The following NTNG1 variants were observed in gnomAD, a reference collection of about 807,000 sequenced individuals.
The protein encoded by NTNG1 is netrin-G1.
A neutral mutation model predicts 54.0 loss-of-function variants in NTNG1; 16 were observed. The ratio of observed to expected loss-of-function variants is 0.30; its 90% CI spans 0.20 to 0.45. The LOEUF (loss-of-function observed/expected upper bound fraction) is 0.45, where lower values mean the gene tolerates loss of function less well. Ranked by LOEUF, NTNG1 falls within the 20% of genes least tolerant of loss-of-function variation. NTNG1 has a pLI of 1.00. For missense variants in NTNG1, 530 were observed against 678.7 expected (o/e 0.78, Z 2.43); for synonymous variants, 255 against 263.1 (o/e 0.97, Z 0.30).
At chr1:107,264,131 G>C (rs1680815867) in intron 2 of NTNG1, among the ~76,000 whole-genome samples, 1 of 151,790 alleles carries the variant, frequency 6.6e-6, no homozygotes, top group Non-Finnish European at 1.5e-5. Context: ...CTTCTTGCCT[G>C]TAGAATACAC....
intron 2 of NTNG1, among the ~76,000 whole-genome samples, chr1:107,294,986 C>T (rs1665856554): frequency 6.6e-6 from 1 of 152,216 alleles, no homozygotes; most frequent in Non-Finnish European, 1.5e-5. Context: ...AACACTCAGA[C>T]ATCTGATTTT....
chr1:107,155,598 A>C (rs190313061), intron 2 of NTNG1, among the ~76,000 whole-genome samples: 1 of 151,932 alleles, frequency 6.6e-6, no homozygotes, highest in African/African-American at 2.4e-5. Flanking sequence ...CTGTATTCTG[A>C]CTCTTTAAGT....
intron 4 of NTNG1, among the ~76,000 whole-genome samples, chr1:107,406,793 G>A (rs1451951686): frequency 6.6e-6 from 1 of 152,080 alleles, no homozygotes; most frequent in Non-Finnish European, 1.5e-5. Context: ...AACCCTAAGA[G>A]GTAAAAAACT....
At chr1:107,454,262 A>G (rs1676795397) in intron 7 of NTNG1, among the ~76,000 whole-genome samples, 1 of 152,170 alleles carries the variant, frequency 6.6e-6, no homozygotes, top group African/African-American at 2.4e-5. Context: ...ATTTATCAGG[A>G]ACAAATGTTT....
intron 3 of NTNG1, among the ~76,000 whole-genome samples, chr1:107,393,850 T>C (rs540450203): frequency 6.6e-6 from 1 of 152,098 alleles, no homozygotes; most frequent in African/African-American, 2.4e-5. Context: ...TGTTAAGGAG[T>C]CTTATCTTCC....
intron 2 of NTNG1, among the ~76,000 whole-genome samples, chr1:107,243,839 T>C (rs1307684957): frequency 1.3e-5 from 2 of 152,208 alleles, no homozygotes; most frequent in Non-Finnish European, 2.9e-5. Context: ...GATATACCGA[T>C]AGAAGAAAAC....
chr1:107,223,334 C>T (rs1247945187), intron 2 of NTNG1, among the ~76,000 whole-genome samples: 1 of 151,770 alleles, frequency 6.6e-6, no homozygotes, highest in African/African-American at 2.4e-5. Context: ...AACATGGTAT[C>T]CCATGTGGTA....
intron 3 of NTNG1, among the ~76,000 whole-genome samples, chr1:107,362,002 AGAG>A (rs1670329669): frequency 1.3e-5 from 2 of 152,110 alleles, no homozygotes; most frequent in African/African-American, 4.8e-5. Flanking sequence ...AGGGGAAGGG[AGAG>A]CCCTGAACAA....
At chr1:107,216,358 G>T (rs1296067509) in intron 2 of NTNG1, among the ~76,000 whole-genome samples, 2 of 152,118 alleles carry the variant, frequency 1.3e-5, no homozygotes, top group Non-Finnish European at 2.9e-5. Context: ...AATCATAAGT[G>T]GATGCTGGAT....
At chr1:107,148,974 GTTTC>G in intron 2 of NTNG1, 135 bp downstream of exon 2, 2 of 864,630 alleles carry the variant, frequency 2.3e-6, no homozygotes, top group East Asian at 2.5e-5. Flanking sequence ...TAACAGGCTA[GTTTC>G]TTTCTCAGTG....
At chr1:107,436,863 C>T (rs533285139) in intron 7 of NTNG1, 64 bp downstream of exon 7, 32 of 1,498,812 alleles carry the variant, frequency 2.1e-5, no homozygotes, top group East Asian at 6.8e-5. Context: ...TTGGCTAGGC[C>T]GGTGCGTGCA....
intron 5 of NTNG1, chr1:107,409,853 T>C (rs1673681892): frequency 6.6e-6 from 1 of 152,096 alleles, no homozygotes; most frequent in Non-Finnish European, 1.5e-5. Context: ...CAAACGTGAT[T>C]GTATCTTCTA....
At chr1:107,280,191 ATT>A (rs1352475249) in intron 2 of NTNG1, among the ~76,000 whole-genome samples, 3 of 18,702 alleles carry the variant, frequency 1.6e-4, no homozygotes, top group Non-Finnish European at 3.6e-4. Context: ...TGTTTTGGTT[ATT>A]CTATAGGGCC....
rs1409955405 is a variant in NTNG1, at chr1:107,394,017, T to TCA, written c.888-1124_888-1123dup. 5.7e-4 allele frequency among the ~76,000 whole-genome samples: 86 copies of TCA among 151,546 alleles called. 1 individual carries two copies. The highest frequency in any genetic ancestry group is 7.4e-5 in the Non-Finnish European group (5 of 67,784). On this transcript the variant is annotated intron_variant, in intron 3 of 7. Transcript: ENST00000370068. ...TCCTGGAAGAGGCCATGTTTCTCTC[T>TCA]CACACACACACACATAAACACACAC...
chr1:107,211,024 C>T (rs1023241027), intron 2 of NTNG1, among the ~76,000 whole-genome samples: 10 of 152,248 alleles, frequency 6.6e-5, no homozygotes, highest in Middle Eastern at 3.4e-3. Flanking sequence ...CGTCTCTGAA[C>T]GTGCACTGTA....
At chr1:107,447,860 A>G (rs1387586959) in intron 7 of NTNG1, among the ~76,000 whole-genome samples, 1 of 152,094 alleles carries the variant, frequency 6.6e-6, no homozygotes, top group Non-Finnish European at 1.5e-5. Context: ...TTCCTAGCAA[A>G]CTGGCCTGGC....
chr1:107,394,017 TCA>T (rs1409955405), intron 3 of NTNG1, among the ~76,000 whole-genome samples: 2 of 151,430 alleles, frequency 1.3e-5, no homozygotes, highest in Non-Finnish European at 1.5e-5. Flanking sequence ...TGTTTCTCTC[TCA>T]CACACACACA....
intron 2 of NTNG1, among the ~76,000 whole-genome samples, chr1:107,239,823 A>G (rs1661701739): frequency 6.6e-6 from 1 of 152,206 alleles, no homozygotes; most frequent in Non-Finnish European, 1.5e-5. Flanking sequence ...GTGGAGGTGG[A>G]TCTCAATATG....
rs913141345 is a variant in NTNG1, at chr1:107,482,624, G to A, written c.*1784G>A. On this transcript the variant is annotated 3_prime_UTR_variant, in exon 8 of 8. Transcript: ENST00000370068. The stretch of plus-strand genomic sequence containing the variant: ...TTATCAGCCCGAACCAGAGTCTTAA[G>A]GACAATGAAATTCTACATGACTTGG... 6.6e-6 allele frequency: 1 copy of A among 152,146 alleles called. No homozygotes were observed. The highest frequency in any genetic ancestry group is 2.4e-5 in the African/African-American group (1 of 41,424). 9.4% of individuals were successfully genotyped at this position (152,146 alleles called of 1,614,324 possible). A position where few individuals can be genotyped will look rare whatever the true frequency, so the allele number is the denominator to read the frequency against.
Sources: allele counts gnomAD v4.1 joint callset (sites outside exome capture counted in the v4.1 genomes callset), GRCh38; gene constraint gnomAD v4.1.1; transcripts MANE v1.5; gene names NCBI Gene and HGNC (gene_info 2026-07-23, HGNC 2026-07-21).